The following RASSF3 variants were observed in gnomAD, a reference collection of about 807,000 sequenced individuals.
RASSF3 encodes Ras association domain family member 3.
In RASSF3, 19 loss-of-function variants were observed where a neutral mutation model predicts 19.9. The ratio of observed to expected loss-of-function variants is 0.96; its 90% CI spans 0.67 to 1.40. The LOEUF (loss-of-function observed/expected upper bound fraction) is 1.40. Ranked by LOEUF, RASSF3 falls within the 40% of genes most tolerant of loss-of-function variation. The pLI is 0.00. For missense variants in RASSF3, 306 were observed against 289.8 expected, an observed-to-expected ratio of 1.06 and a Z score of -0.41; for synonymous variants, 110 against 104.2, an observed-to-expected ratio of 1.06 and a Z score of -0.34.
intron 2 of RASSF3, among the ~76,000 whole-genome samples, chr12:64,552,920 G>A (rs539996291): frequency 9.4e-4 from 143 of 151,998 alleles, no homozygotes; most frequent in African/African-American, 3.4e-3. Flanking sequence ...TTCAAAAATA[G>A]CAACTTGGGG....
intron 1 of RASSF3, among the ~76,000 whole-genome samples, chr12:64,633,187 GA>G (rs1389444879): frequency 7.2e-5 from 11 of 152,192 alleles, no homozygotes; most frequent in African/African-American, 2.7e-4. Flanking sequence ...CTTTGAAGAT[GA>G]AACATATGTT....
chr12:64,543,421 G>GCCCGCCCCCCC (rs1565836074), downstream of RASSF3, among the ~76,000 whole-genome samples: 4 of 55,894 alleles, frequency 7.2e-5, no homozygotes, highest in East Asian at 1.1e-3. Context: ...CCCGCCCCCC[G>GCCCGCCCCCCC]GCTCCCCGCC....
intron 1 of RASSF3, among the ~76,000 whole-genome samples, chr12:64,635,195 C>G (rs1871294334): frequency 6.6e-6 from 1 of 152,056 alleles, no homozygotes. Flanking sequence ...TTCAAGCAAT[C>G]CATCTGCTTC....
chr12:64,684,009 A>AGTGTGT (rs1555216478), intron 1 of RASSF3, among the ~76,000 whole-genome samples: 3 of 73,906 alleles, frequency 4.1e-5, no homozygotes, highest in Admixed American at 2.6e-4. Flanking sequence ...AGAGAGAGAG[A>AGTGTGT]GTGAGTGTGT....
At chr12:64,624,819 C>CG (rs1870928238) in intron 1 of RASSF3, among the ~76,000 whole-genome samples, 1 of 151,652 alleles carries the variant, frequency 6.6e-6, no homozygotes, top group Non-Finnish European at 1.5e-5. Flanking sequence ...CCACCACCCC[C>CG]GGGTAATTTT....
chr12:64,677,824 AT>A (rs1344015394), intron 1 of RASSF3, among the ~76,000 whole-genome samples: 3 of 152,100 alleles, frequency 2.0e-5, no homozygotes, highest in Non-Finnish European at 2.9e-5. Context: ...TGAGAACAGT[AT>A]TTTTCCCTAT....
chr12:64,659,280 A>ATT (rs1247387421), intron 1 of RASSF3, among the ~76,000 whole-genome samples: 1 of 152,142 alleles, frequency 6.6e-6, no homozygotes, highest in Non-Finnish European at 1.5e-5. Flanking sequence ...AGGATGTGAT[A>ATT]TTTTTAGCAC....
chr12:64,682,488 A>C (rs1437918570), intron 1 of RASSF3, among the ~76,000 whole-genome samples: 1 of 151,406 alleles, frequency 6.6e-6, no homozygotes, highest in African/African-American at 2.4e-5. Context: ...AATGGCGTGA[A>C]CCCAGGAGGC....
At chr12:64,585,228 A>G (rs991506907) in intron 2 of RASSF3, among the ~76,000 whole-genome samples, 1 of 152,058 alleles carries the variant, frequency 6.6e-6, no homozygotes, top group African/African-American at 2.4e-5. Context: ...TGATGTTAAA[A>G]TCCCTACTTC....
At position 64,574,181 on chromosome 12, in the gene RASSF3, G is replaced by A. The variant is rs1194117015; in HGVS notation, c.294+32476G>A. ...CAAAAATTAGCCGGGTGTGATGGCT[G>A]GGGCTTGTAGTCCCAGCTACTCAGG... On this transcript the variant is annotated intron_variant, in intron 2 of 5. Transcript: ENST00000637125. Among the ~76,000 whole-genome samples the A allele has an allele frequency of 2.6e-5, 4 of 151,748 alleles. No homozygotes were observed. The East Asian group carries it at 7.8e-4, about 29-fold the overall frequency.
intron 1 of RASSF3, among the ~76,000 whole-genome samples, chr12:64,657,863 C>T (rs1872214623): frequency 6.6e-6 from 1 of 152,176 alleles, no homozygotes; most frequent in Non-Finnish European, 1.5e-5. Flanking sequence ...AGGAGGATCA[C>T]TTGAGCTCAA....
chr12:64,513,316 G>A (rs573323186), intron 1 of RASSF3, among the ~76,000 whole-genome samples: 3 of 151,990 alleles, frequency 2.0e-5, no homozygotes, highest in Non-Finnish European at 4.4e-5. Flanking sequence ...CAGTCATGGT[G>A]GTGGGCACCT....
At chr12:64,556,255 T>C (rs541492946) in intron 2 of RASSF3, among the ~76,000 whole-genome samples, 2 of 152,154 alleles carry the variant, frequency 1.3e-5, no homozygotes, top group Admixed American at 1.3e-4. Flanking sequence ...CAGCCTCTGG[T>C]GCTCAGGTCC....
At chr12:64,619,471 G>C (rs996993091) in intron 1 of RASSF3, among the ~76,000 whole-genome samples, 5 of 152,038 alleles carry the variant, frequency 3.3e-5, no homozygotes, top group African/African-American at 1.2e-4. Context: ...GCATTTTGTG[G>C]ACTGTAATTG....
rs376066568 is a variant in RASSF3, at chr12:64,694,941, T to C, written c.*29T>C. 7.4e-5 allele frequency: 119 copies of C among 1,609,276 alleles called. No homozygotes were observed. In the African/African-American group the frequency reaches 1.4e-3, roughly 18 times the overall value. On this transcript the variant is annotated 3_prime_UTR_variant, in exon 5 of 5. Transcript: ENST00000542104. ...GGGGCTCCCTGCCCGTGAGGCCCGG[T>C]GCAGGACCGATGTACAAAACAGCAG...
At position 64,617,451 on chromosome 12, in the gene RASSF3, C is replaced by T. The variant is rs541291340; in HGVS notation, c.111+6708C>T. Among the ~76,000 whole-genome samples, 7 of 152,312 alleles carry T rather than the reference C, an allele frequency of 4.6e-5. No homozygotes were observed. The East Asian group carries it at 1.3e-3, about 29-fold the overall frequency. On this transcript the variant is annotated intron_variant, in intron 1 of 4. Coordinates refer to ENST00000542104, the MANE Select transcript of RASSF3 (RefSeq NM_178169.4). ...TTACCCAATAGGCAAATGAAAATAT[C>T]TCTCTAATTTTTCCCTAAAGAGCTT... is the stretch of plus-strand genomic sequence containing the variant.
At chr12:64,651,261 A>G (rs1871943656) in intron 1 of RASSF3, among the ~76,000 whole-genome samples, 1 of 152,216 alleles carries the variant, frequency 6.6e-6, no homozygotes. Flanking sequence ...AAGTCCCAAG[A>G]TATGTGGAGA....
intron 1 of RASSF3, chr12:64,533,783 T>A (rs1868765310): frequency 6.6e-6 from 1 of 152,194 alleles, no homozygotes; most frequent in Admixed American, 6.5e-5. Flanking sequence ...GGCTCCCAGG[T>A]CTTTCTCAGG....
At chr12:64,518,419 GAAGA>G (rs968685960) in intron 1 of RASSF3, among the ~76,000 whole-genome samples, 2 of 152,212 alleles carry the variant, frequency 1.3e-5, no homozygotes, top group African/African-American at 4.8e-5. Flanking sequence ...AGGCAAAGAA[GAAGA>G]CAGTGTATCA....
Sources: allele counts gnomAD v4.1 joint callset (sites outside exome capture counted in the v4.1 genomes callset), GRCh38; gene constraint gnomAD v4.1.1; transcripts MANE v1.5; gene names NCBI Gene and HGNC (gene_info 2026-07-23, HGNC 2026-07-21).